The following ZPBP variants were observed in gnomAD, a reference collection of about 807,000 sequenced individuals.
The protein encoded by ZPBP is zona pellucida binding protein.
In ZPBP, 26 loss-of-function variants were observed where a neutral mutation model predicts 44.8. The observed-to-expected ratio is 0.58, with a 90% CI of 0.43 to 0.81. The LOEUF is 0.81. Ranked by LOEUF, ZPBP falls within the 30% of genes least tolerant of loss-of-function variation. ZPBP has a pLI of 0.00. For synonymous variants in ZPBP, 174 were observed against 153.2 expected (o/e 1.14, Z -1.00); for missense variants, 409 against 434.0 (o/e 0.94, Z 0.51).
chr7:49,975,982 T>C (rs1458246124), intron 7 of ZPBP, among the ~76,000 whole-genome samples: 2 of 152,216 alleles, frequency 1.3e-5, no homozygotes, highest in Admixed American at 6.5e-5. Context: ...CTAATTGTTA[T>C]ATACATATTA....
intron 4 of ZPBP, among the ~76,000 whole-genome samples, chr7:50,044,757 C>T (rs1216196639): frequency 6.6e-6 from 1 of 152,148 alleles, no homozygotes; most frequent in Non-Finnish European, 1.5e-5. Context: ...TGGTACCATT[C>T]CTTCTGAAAC....
At chr7:49,886,685 A>C (rs1209553428) in intron 2 of ZPBP, among the ~76,000 whole-genome samples, 1 of 152,166 alleles carries the variant, frequency 6.6e-6, no homozygotes, top group African/African-American at 2.4e-5. Flanking sequence ...TTTGTTGTAC[A>C]GATTATTTTG....
chr7:49,958,634 G>A (rs1308377266), intron 7 of ZPBP, among the ~76,000 whole-genome samples: 1 of 152,132 alleles, frequency 6.6e-6, no homozygotes, highest in Non-Finnish European at 1.5e-5. Context: ...AGAACTGTAA[G>A]CCAATAAATT....
intron 7 of ZPBP, among the ~76,000 whole-genome samples, chr7:49,949,905 C>A (rs1328493343): frequency 6.6e-6 from 1 of 151,892 alleles, no homozygotes; most frequent in Non-Finnish European, 1.5e-5. Context: ...TATGGAATAA[C>A]AGAGTTTCTT....
intron 7 of ZPBP, among the ~76,000 whole-genome samples, chr7:49,971,697 C>T (rs1025933731): frequency 2.6e-5 from 4 of 151,984 alleles, no homozygotes. Flanking sequence ...TAACACAAAT[C>T]CTTTACAAAC....
chr7:50,083,707 T>C (rs948100544), intron 2 of ZPBP, among the ~76,000 whole-genome samples: 3 of 151,848 alleles, frequency 2.0e-5, no homozygotes, highest in South Asian at 2.1e-4. Context: ...ATATATGTGG[T>C]AGACAAGGTA....
intron 2 of ZPBP, among the ~76,000 whole-genome samples, chr7:49,892,513 C>A (rs985526786): frequency 1.3e-5 from 2 of 152,106 alleles, no homozygotes; most frequent in Non-Finnish European, 2.9e-5. Flanking sequence ...GATAGGCAAA[C>A]CTATTTTATT....
chr7:49,969,467 C>A (rs1796193740), intron 7 of ZPBP, among the ~76,000 whole-genome samples: 1 of 146,080 alleles, frequency 6.8e-6, no homozygotes, highest in African/African-American at 2.5e-5. Context: ...AATTAATCTT[C>A]CAAAAAAGAA....
chr7:49,896,601 A>C (rs565719800), intron 2 of ZPBP, among the ~76,000 whole-genome samples: 1 of 152,300 alleles, frequency 6.6e-6, no homozygotes, highest in South Asian at 2.1e-4. Context: ...GAAACCAAAA[A>C]CTGGTTGGTT....
intron 7 of ZPBP, among the ~76,000 whole-genome samples, chr7:49,956,635 A>G (rs148712105): frequency 2.0e-5 from 3 of 152,200 alleles, no homozygotes; most frequent in African/African-American, 7.2e-5. Context: ...GAAAGAAATA[A>G]AAGACCTAAA....
chr7:50,019,013 C>G (rs1005042259), intron 5 of ZPBP, among the ~76,000 whole-genome samples: 2 of 151,912 alleles, frequency 1.3e-5, no homozygotes, highest in African/African-American at 4.8e-5. Context: ...TTAAAAAATA[C>G]ATGGAAAGAA....
chr7:49,873,241 C>T (rs1791248415), intron 2 of ZPBP, among the ~76,000 whole-genome samples: 1 of 152,104 alleles, frequency 6.6e-6, no homozygotes, highest in Non-Finnish European at 1.5e-5. Flanking sequence ...TTATTTTTTA[C>T]AGTTTTGGTG....
At chr7:49,958,558 T>C (rs1795707893) in intron 7 of ZPBP, among the ~76,000 whole-genome samples, 1 of 152,140 alleles carries the variant, frequency 6.6e-6, no homozygotes, top group African/African-American at 2.4e-5. Context: ...TTGGCCATCA[T>C]GAGATGACAC....
intron 4 of ZPBP, among the ~76,000 whole-genome samples, chr7:50,034,315 A>G (rs777831066): frequency 2.0e-5 from 3 of 152,070 alleles, no homozygotes; most frequent in Non-Finnish European, 4.4e-5. Context: ...CTAGACATCA[A>G]AACTGCTTTT....
intron 2 of ZPBP, among the ~76,000 whole-genome samples, chr7:49,868,047 T>C (rs1790987919): frequency 6.6e-6 from 1 of 152,124 alleles, no homozygotes; most frequent in Non-Finnish European, 1.5e-5. Context: ...TTGACCAGGC[T>C]GGTCTCAAAC....
intron 7 of ZPBP, among the ~76,000 whole-genome samples, chr7:49,970,413 C>A (rs1796249321): frequency 7.0e-6 from 1 of 143,300 alleles, no homozygotes. Flanking sequence ...ACACTATAAA[C>A]CAATCAGACC....
chr7:50,008,559 C>A (rs1434704274), intron 6 of ZPBP, among the ~76,000 whole-genome samples: 1 of 151,908 alleles, frequency 6.6e-6, no homozygotes, highest in African/African-American at 2.4e-5. Flanking sequence ...CCCTTACTTG[C>A]CCAACAATCT....
chr7:50,035,693 T>C (rs146537900), intron 4 of ZPBP, among the ~76,000 whole-genome samples: 83 of 152,304 alleles, frequency 5.4e-4, no homozygotes, highest in African/African-American at 1.9e-3. Context: ...ATGCAAATTA[T>C]AAGTGATACA....
rs867195569 is a variant in ZPBP, at chr7:49,878,565, G to T, written n.509+22553C>A. ...CCTGACTCCCAGCTCTCAACGCTCG[G>T]TCTACTTTTTGCTCCTTTGTTTTTG... is the stretch of plus-strand genomic sequence containing the variant. On this transcript the variant is annotated intron_variant and non_coding_transcript_variant, in intron 2 of 2. Transcript: ENST00000465922. 3.9e-5 allele frequency among the ~76,000 whole-genome samples: 6 copies of T among 152,174 alleles called. 1 individual carries two copies. Among genetic ancestry groups the T allele is most frequent in the Middle Eastern group, 6.8e-3 (2 of 294 alleles).
Sources: allele counts gnomAD v4.1 joint callset (sites outside exome capture counted in the v4.1 genomes callset), GRCh38; gene constraint gnomAD v4.1.1; transcripts MANE v1.5; gene names NCBI Gene and HGNC (gene_info 2026-07-23, HGNC 2026-07-21).